The following ZYG11A variants were observed in gnomAD, a reference collection of about 807,000 sequenced individuals.
ZYG11A encodes the protein protein zyg-11 homolog A.
Under a neutral mutation model 77.2 loss-of-function variants are expected in ZYG11A, and 62 were observed. The observed-to-expected ratio is 0.80, with a 90% CI of 0.65 to 0.99. The LOEUF is 0.99. ZYG11A is among the 50% of genes least tolerant of loss of function. ZYG11A has a pLI of 0.00. For missense variants in ZYG11A, 828 were observed against 896.8 expected (o/e 0.92, Z 0.98); for synonymous variants, 315 against 324.6 (o/e 0.97, Z 0.32).
chr1:52,847,880 A>T (rs1489078428), intron 1 of ZYG11A, among the ~76,000 whole-genome samples: 3,165 of 42,614 alleles, frequency 0.074, 89 homozygotes, highest in Middle Eastern at 0.28. Context: ...TTATTTATTT[A>T]TTTTTTTGAG....
At position 52,842,914 on chromosome 1, in the gene ZYG11A, C is replaced by T. The variant is rs1378040915; in HGVS notation, c.31C>T (p.Pro11Ser). 1.3e-6 allele frequency: 2 copies of T among 1,530,694 alleles called. No homozygotes were observed. The highest frequency in any genetic ancestry group is 1.8e-6 in the Non-Finnish European group (2 of 1,138,252). 94.8% of individuals were successfully genotyped at this position (1,530,694 alleles called of 1,614,324 possible). The change falls in exon 1 of 14, where the codon CCC (proline) becomes TCC (serine). Residue 11 changes from proline to serine, a missense_variant. Physicochemically the swap from Pro to Ser is moderately conservative, Grantham distance 74 (BLOSUM62 -1). Coordinates refer to ENST00000371528, the MANE Select transcript of ZYG11A (RefSeq NM_001004339.3). MVHFLHPGHT[P>S]RNIVPPDAQK... The stretch of plus-strand genomic sequence containing the variant: ...TCATTTCTTGCACCCGGGCCACACG[C>T]CCCGGAACATCGTCCCTCCTGACGC...
At position 52,868,755 on chromosome 1, in the gene ZYG11A, C is replaced by T. The variant is rs1221863408; in HGVS notation, c.1542+978C>T. ...TGAGCTAAGATCGCACAGGTGCACT[C>T]CAGCCTGGTGACAGAGTAAAATTGT... On this transcript the variant is annotated intron_variant, in intron 8 of 13. Transcript: ENST00000371528. Among the ~76,000 whole-genome samples the T allele has an allele frequency of 2.0e-5, 3 of 152,118 alleles. No individual in the cohort carries two copies. The East Asian group carries it at 5.8e-4, about 29-fold the overall frequency.
intron 1 of ZYG11A, among the ~76,000 whole-genome samples, chr1:52,846,628 C>T (rs879586752): frequency 2.6e-5 from 4 of 151,544 alleles, no homozygotes; most frequent in African/African-American, 4.8e-5. Context: ...GGCAAGCCAT[C>T]GCGCCCGGCC....
intron 1 of ZYG11A, among the ~76,000 whole-genome samples, chr1:52,852,419 A>G (rs927389509): frequency 6.8e-5 from 10 of 147,670 alleles, no homozygotes; most frequent in Admixed American, 4.8e-4. Flanking sequence ...GCTGGAGTGC[A>G]GTGATGCTAT....
At chr1:52,881,817 CTG>C in intron 11 of ZYG11A, 152 bp downstream of exon 11, 1 of 583,622 alleles carries the variant, frequency 1.7e-6, no homozygotes, top group Admixed American at 3.6e-5. Context: ...AAAACTATCT[CTG>C]TTAACATTTT....
chr1:52,847,874 TTATTTA>T (rs1645627087), intron 1 of ZYG11A, among the ~76,000 whole-genome samples: 3 of 96,986 alleles, frequency 3.1e-5, no homozygotes, highest in African/African-American at 1.1e-4. Flanking sequence ...ATTTATTTAT[TTATTTA>T]TTTTTTTGAG....
At chr1:52,848,106 T>C (rs1166607079) in intron 1 of ZYG11A, among the ~76,000 whole-genome samples, 2 of 152,152 alleles carry the variant, frequency 1.3e-5, no homozygotes, top group East Asian at 3.9e-4. Context: ...CCTGACCTCG[T>C]GATCCGCCTG....
At position 52,892,782 on chromosome 1, in the gene ZYG11A, C is replaced by T; in HGVS notation, c.2105C>T (p.Pro702Leu). ...WAMYHVCSKN[P>L]SKYCKMLVEE... ...GTGTCTCTGCTTGATTTTCTTTCAG[C>T]CAGCAAATACTGCAAAATGTTAGTT... Residue 702 changes from proline to leucine, a missense_variant and splice_region_variant, in exon 14 of 14, where the codon CCC becomes CTC. Physicochemically the swap from Pro to Leu is moderately conservative, Grantham distance 98. Coordinates refer to ENST00000371528, the MANE Select transcript of ZYG11A (RefSeq NM_001004339.3). 3.9e-6 allele frequency: 6 copies of T among 1,551,254 alleles called. No homozygotes were observed. The highest frequency in any genetic ancestry group is 5.2e-6 in the Non-Finnish European group (6 of 1,146,848).
chr1:52,868,659 G>A (rs563446015), intron 8 of ZYG11A, among the ~76,000 whole-genome samples: 45 of 151,788 alleles, frequency 3.0e-4, no homozygotes, highest in Non-Finnish European at 4.0e-4. Flanking sequence ...GTGGTGGTGC[G>A]TCCTGTAATC....
At chr1:52,889,386 A>T (rs974997557) in intron 13 of ZYG11A, among the ~76,000 whole-genome samples, 1 of 151,876 alleles carries the variant, frequency 6.6e-6, no homozygotes, top group African/African-American at 2.4e-5. Flanking sequence ...TCCCATCCCT[A>T]TGACAAATGA....
chr1:52,874,173 C>T (rs968176737), intron 8 of ZYG11A, among the ~76,000 whole-genome samples: 2 of 152,044 alleles, frequency 1.3e-5, no homozygotes, highest in Admixed American at 1.3e-4. Context: ...ACAAGACCCT[C>T]CACCAGCAAA....
intron 8 of ZYG11A, among the ~76,000 whole-genome samples, chr1:52,873,941 G>A (rs187919257): frequency 2.6e-5 from 4 of 151,702 alleles, no homozygotes; most frequent in Admixed American, 6.6e-5. Flanking sequence ...CCGAGATCGC[G>A]CCACTGCACT....
At chr1:52,882,071 T>A (rs1317605129) in intron 11 of ZYG11A, among the ~76,000 whole-genome samples, 1 of 152,132 alleles carries the variant, frequency 6.6e-6, no homozygotes, top group African/African-American at 2.4e-5. Context: ...ATTTTTGTAT[T>A]TTTTGTAGAT....
intron 11 of ZYG11A, among the ~76,000 whole-genome samples, chr1:52,884,587 G>T (rs1173697157): frequency 6.6e-6 from 1 of 152,004 alleles, no homozygotes; most frequent in Non-Finnish European, 1.5e-5. Context: ...TCAGGAAGCA[G>T]AGGTTACAGT....
At chr1:52,846,328 A>C (rs1463565181) in intron 1 of ZYG11A, among the ~76,000 whole-genome samples, 143 of 7,740 alleles carry the variant, frequency 0.018, 5 homozygotes, top group African/African-American at 0.085. Flanking sequence ...ATATATATAT[A>C]TATATATATA....
intron 1 of ZYG11A, among the ~76,000 whole-genome samples, chr1:52,849,920 G>T (rs1383353955): frequency 6.6e-6 from 1 of 151,952 alleles, no homozygotes; most frequent in Admixed American, 6.6e-5. Context: ...TGCCGACCTC[G>T]TGATCCGCCC....
chr1:52,887,708 C>A (rs1229247251), intron 13 of ZYG11A, among the ~76,000 whole-genome samples: 3 of 151,626 alleles, frequency 2.0e-5, no homozygotes, highest in East Asian at 1.9e-4. Context: ...ATAGCAAGAC[C>A]CCACCCATGT....
chr1:52,842,763 A>T lies in ZYG11A; in HGVS notation c.-121A>T. On this transcript the variant is annotated 5_prime_UTR_variant, in exon 1 of 14. Coordinates refer to ENST00000371528, the MANE Select transcript of ZYG11A (RefSeq NM_001004339.3). ...AAGCTCGCCGGCAGGGCGCGGCGCT[A>T]GCTCCGTGTGCCTCGCAGGCGTGGT... is the stretch of plus-strand genomic sequence containing the variant. The T allele has an allele frequency of 1.1e-6, 1 of 935,678 alleles. No homozygotes were observed. Among genetic ancestry groups the T allele is most frequent in the Non-Finnish European group, 1.6e-6 (1 of 633,028 alleles). 58.0% of individuals were successfully genotyped at this position (935,678 alleles called of 1,614,324 possible).
chr1:52,874,612 A>G (rs977852731), intron 8 of ZYG11A, among the ~76,000 whole-genome samples: 2 of 152,256 alleles, frequency 1.3e-5, no homozygotes, highest in East Asian at 3.9e-4. Context: ...CATGCCTGTA[A>G]TCCCAGCAAC....
Sources: allele counts gnomAD v4.1 joint callset (sites outside exome capture counted in the v4.1 genomes callset), GRCh38; gene constraint gnomAD v4.1.1; transcripts MANE v1.5; gene names NCBI Gene and HGNC (gene_info 2026-07-23, HGNC 2026-07-21).